The following FHIT variants were observed in gnomAD, a reference collection of about 807,000 sequenced individuals.
FHIT encodes fragile histidine triad diadenosine triphosphatase.
A neutral mutation model predicts 17.9 loss-of-function variants in FHIT; 19 were observed. The observed-to-expected ratio is 1.06, with a 90% CI of 0.74 to 1.56. The LOEUF is 1.56. FHIT is among the 40% of genes most tolerant of loss of function. FHIT has a pLI of 0.00. For synonymous variants in FHIT, 81 were observed against 69.7 expected, an observed-to-expected ratio of 1.16 and a Z score of -0.81; for missense variants, 248 against 189.2, an observed-to-expected ratio of 1.31 and a Z score of -1.82.
At chr3:60,068,606 C>T (rs1702624110) in intron 5 of FHIT, among the ~76,000 whole-genome samples, 1 of 152,146 alleles carries the variant, frequency 6.6e-6, no homozygotes, top group South Asian at 2.1e-4. Flanking sequence ...AGTACAAGGG[C>T]CACAAACTAC....
chr3:59,761,328 T>C (rs1174191719), intron 8 of FHIT, among the ~76,000 whole-genome samples: 1 of 152,188 alleles, frequency 6.6e-6, no homozygotes, highest in Non-Finnish European at 1.5e-5. Flanking sequence ...GTAACATCCA[T>C]CTTCGTATCC....
chr3:60,917,427 A>G (rs1303739511), intron 3 of FHIT, among the ~76,000 whole-genome samples: 4 of 152,248 alleles, frequency 2.6e-5, no homozygotes, highest in African/African-American at 4.8e-5. Context: ...TCTAAAAAAT[A>G]TAAATCAGAT....
intron 1 of FHIT, among the ~76,000 whole-genome samples, chr3:61,242,065 T>C (rs1031088550): frequency 1.3e-5 from 2 of 152,204 alleles, no homozygotes; most frequent in Non-Finnish European, 1.5e-5. Flanking sequence ...CTGGGTAATA[T>C]ATATTCAAAC....
At chr3:59,880,609 A>T (rs73100643) in intron 8 of FHIT, among the ~76,000 whole-genome samples, 3,328 of 152,250 alleles carry the variant, frequency 0.022, 44 homozygotes, top group South Asian at 0.063. Context: ...CAGGTCCCTC[A>T]TTTGTAAAAC....
At chr3:60,744,673 G>C (rs566840799) in intron 4 of FHIT, among the ~76,000 whole-genome samples, 1 of 152,164 alleles carries the variant, frequency 6.6e-6, no homozygotes, top group Non-Finnish European at 1.5e-5. Context: ...CCAATACAGA[G>C]TGAAATGGGT....
At chr3:60,411,438 C>G (rs981471641) in intron 5 of FHIT, among the ~76,000 whole-genome samples, 1 of 152,128 alleles carries the variant, frequency 6.6e-6, no homozygotes, top group African/African-American at 2.4e-5. Context: ...TAGGGGAGAA[C>G]AGACTCCCAG....
intron 4 of FHIT, among the ~76,000 whole-genome samples, chr3:60,563,689 T>C (rs554601657): frequency 3.9e-5 from 6 of 152,290 alleles, no homozygotes; most frequent in African/African-American, 1.4e-4. Flanking sequence ...AGCCACAACA[T>C]TCCCTTAAGC....
At chr3:60,964,207 A>G (rs1449749446) in intron 3 of FHIT, among the ~76,000 whole-genome samples, 4 of 150,080 alleles carry the variant, frequency 2.7e-5, no homozygotes, top group Non-Finnish European at 5.9e-5. Flanking sequence ...GTCTCTTTTC[A>G]TCTTTGTTGG....
chr3:59,818,807 G>A (rs1267399195), intron 8 of FHIT, among the ~76,000 whole-genome samples: 1 of 152,176 alleles, frequency 6.6e-6, no homozygotes, highest in East Asian at 1.9e-4. Flanking sequence ...CATGCACAGA[G>A]TTCTTAGGAG....
chr3:61,102,065 G>T (rs558919379), intron 2 of FHIT, among the ~76,000 whole-genome samples: 148 of 152,168 alleles, frequency 9.7e-4, no homozygotes, highest in African/African-American at 3.3e-3. Flanking sequence ...TTGCCTTATT[G>T]CCCTGGCCAG....
intron 8 of FHIT, among the ~76,000 whole-genome samples, chr3:59,782,434 A>G (rs1702634490): frequency 6.6e-6 from 1 of 152,230 alleles, no homozygotes; most frequent in South Asian, 2.1e-4. Context: ...CATCCATTAA[A>G]TAAAGAGAAA....
intron 5 of FHIT, among the ~76,000 whole-genome samples, chr3:60,190,618 G>T (rs1702358858): frequency 6.6e-6 from 1 of 152,000 alleles, no homozygotes; most frequent in East Asian, 1.9e-4. Context: ...ACTGTTGTGG[G>T]GTGGGGGAGC....
At chr3:61,109,127 G>C (rs1439005) in intron 2 of FHIT, among the ~76,000 whole-genome samples, 52,368 of 152,138 alleles carry the variant, frequency 0.34, 11,412 homozygotes, top group Non-Finnish European at 0.49. Context: ...ATGCTGTTAA[G>C]TGTATAGAGG....
Position 60,345,409 on chromosome 3 carries a change from T to C in FHIT, c.103+191451A>G, listed in dbSNP as rs376293965. Among the ~76,000 whole-genome samples the C allele has an allele frequency of 1.9e-4, 29 of 152,340 alleles. No individual in the cohort carries two copies. In the East Asian group the frequency reaches 3.9e-3, roughly 20 times the overall value. On this transcript the variant is annotated intron_variant, in intron 5 of 9. Coordinates refer to ENST00000492590, the MANE Select transcript of FHIT (RefSeq NM_002012.4). ...TAAGCTTCTTTACCAATTCCTGCTA[T>C]TGTTAAATACCTACAATCACACTGT...
chr3:60,669,379 C>G (rs1454976380), intron 4 of FHIT, among the ~76,000 whole-genome samples: 3 of 152,210 alleles, frequency 2.0e-5, no homozygotes, highest in African/African-American at 7.2e-5. Flanking sequence ...TCATCACAAT[C>G]TCACAATCAT....
intron 4 of FHIT, among the ~76,000 whole-genome samples, chr3:60,713,177 A>G (rs2041586928): frequency 6.6e-6 from 1 of 152,104 alleles, no homozygotes; most frequent in Non-Finnish European, 1.5e-5. Context: ...CTGAATGACT[A>G]CTGGGTACAT....
At chr3:59,800,124 G>A (rs1699936632) in intron 8 of FHIT, among the ~76,000 whole-genome samples, 1 of 152,168 alleles carries the variant, frequency 6.6e-6, no homozygotes, top group Non-Finnish European at 1.5e-5. Flanking sequence ...AAGTGTAACT[G>A]TGCTTGCTCG....
At chr3:60,277,345 C>T (rs1285512644) in intron 5 of FHIT, among the ~76,000 whole-genome samples, 3 of 152,108 alleles carry the variant, frequency 2.0e-5, no homozygotes, top group African/African-American at 7.2e-5. Context: ...AAATCATTTT[C>T]TTTTCTAACA....
intron 4 of FHIT, among the ~76,000 whole-genome samples, chr3:60,695,801 C>T (rs577938209): frequency 1.1e-4 from 16 of 151,970 alleles, no homozygotes; most frequent in Admixed American, 5.2e-4. Flanking sequence ...TTCTTTGTAC[C>T]TCACTTCCCT....
Sources: gnomAD v4.1 joint callset for allele counts (sites outside exome capture counted in the v4.1 genomes callset) on GRCh38, gnomAD v4.1.1 for gene constraint, MANE v1.5 for transcripts, NCBI Gene and HGNC (gene_info 2026-07-23, HGNC 2026-07-21) for gene names.